KIAA1549: variants seen among roughly 807,000 people sequenced by gnomAD.
KIAA1549 encodes UPF0606 protein KIAA1549.
In KIAA1549, 70 loss-of-function variants were observed where a neutral mutation model predicts 156.4. That is an observed-to-expected ratio of 0.45 (90% confidence interval 0.37 to 0.55). The LOEUF (loss-of-function observed/expected upper bound fraction) is 0.55. Ranked by LOEUF, KIAA1549 falls within the 20% of genes least tolerant of loss-of-function variation. KIAA1549 has a pLI of 0.00. For missense variants in KIAA1549, 2,428 were observed against 2,540.9 expected, an observed-to-expected ratio of 0.96 and a Z score of 0.96; for synonymous variants, 1,103 against 1,066.4, an observed-to-expected ratio of 1.03 and a Z score of -0.67.
At chr7:138,867,564 A>T (rs77349162) in intron 15 of KIAA1549, among the ~76,000 whole-genome samples, 1,465 of 129,702 alleles carry the variant, frequency 0.011, 31 homozygotes, top group East Asian at 0.076. Context: ...CAAAAAAAAA[A>T]AATAATAAAA....
At chr7:138,903,758 C>A in intron 7 of KIAA1549, 22 bp from the exon 8 acceptor site, 2 of 1,544,868 alleles carry the variant, frequency 1.3e-6, no homozygotes, top group South Asian at 1.2e-5. Context: ...TGAAAACATA[C>A]GTGGCACCCA....
intron 16 of KIAA1549, among the ~76,000 whole-genome samples, chr7:138,856,157 G>A (rs1480607673): frequency 6.6e-5 from 10 of 150,856 alleles, no homozygotes; most frequent in South Asian, 2.1e-4. Context: ...TCAGCCTCCC[G>A]AGTAGCTGGG....
At position 138,911,177 on chromosome 7, in the gene KIAA1549, A is replaced by C; in HGVS notation, c.3114T>G (p.Leu1038=). 1 of 1,598,822 alleles carries C rather than the reference A, an allele frequency of 6.3e-7. No individual in the cohort carries two copies. Among genetic ancestry groups the C allele is most frequent in the Non-Finnish European group, 8.5e-7 (1 of 1,172,712 alleles). The change falls in exon 4 of 20, where the codon CTT becomes CTG. Residue 1038 remains leucine, a synonymous_variant. Coordinates refer to ENST00000422774, the MANE Select transcript of KIAA1549 (RefSeq NM_001164665.2). ...GAACTTGGAACCTGGACTCTGGCACAAGGAAAGAAGGTTTCACAGACAGGA... is the reference window on the plus strand; with the variant it reads ...GAACTTGGAACCTGGACTCTGGCACCAGGAAAGAAGGTTTCACAGACAGGA... ...PLILSVKPSF[L]VPESRFQVQT...
intron 11 of KIAA1549, among the ~76,000 whole-genome samples, chr7:138,880,524 A>C (rs1014960795): frequency 2.6e-5 from 4 of 152,214 alleles, no homozygotes; most frequent in Non-Finnish European, 4.4e-5. Context: ...ATAAGACAGA[A>C]GTCATGACAT....
chr7:138,875,050 T>C (rs1176702145), intron 12 of KIAA1549, among the ~76,000 whole-genome samples: 1 of 152,144 alleles, frequency 6.6e-6, no homozygotes, highest in Non-Finnish European at 1.5e-5. Flanking sequence ...TGAGCACCTG[T>C]AGGCACTGTA....
intron 7 of KIAA1549, 119 bp from the exon 8 acceptor site, chr7:138,903,855 G>A (rs1201262938): frequency 1.4e-5 from 7 of 494,184 alleles, no homozygotes; most frequent in South Asian, 5.6e-5. Context: ...GTGTGTGTGC[G>A]CGCGCGCGCG....
At position 138,973,536 on chromosome 7, in the gene KIAA1549, G is replaced by A. The variant is rs373283143; in HGVS notation, c.187+7547C>T. On this transcript the variant is annotated intron_variant, in intron 1 of 19. Coordinates refer to ENST00000422774, the MANE Select transcript of KIAA1549 (RefSeq NM_001164665.2). ...CTCTTTGTCTTCCCCTCTCCTTCAC[G>A]CTAGTTTCAGGGTTTCTGTCCTCAG... 5.3e-5 allele frequency among the ~76,000 whole-genome samples: 8 copies of A among 152,190 alleles called. No individual in the cohort carries two copies. The South Asian group carries it at 1.0e-3, about 20-fold the overall frequency.
intron 5 of KIAA1549, among the ~76,000 whole-genome samples, 164 bp from the exon 6 acceptor site, chr7:138,907,266 T>C (rs1273679609): frequency 6.6e-6 from 1 of 152,188 alleles, no homozygotes; most frequent in East Asian, 1.9e-4. Context: ...TGTAAGAGTT[T>C]AACTGCTCAG....
intron 13 of KIAA1549, among the ~76,000 whole-genome samples, 191 bp downstream of exon 13, chr7:138,870,966 C>T (rs1485107851): frequency 1.3e-5 from 2 of 152,030 alleles, no homozygotes; most frequent in African/African-American, 4.8e-5. Context: ...TACAGGAACC[C>T]GCCACCACGC....
rs971468164 is a variant in KIAA1549 at position 138,835,192 on chromosome 7, G to A, written c.*2714C>T. On this transcript the variant is annotated 3_prime_UTR_variant, in exon 20 of 20. Coordinates refer to ENST00000422774, the MANE Select transcript of KIAA1549 (RefSeq NM_001164665.2). ...TAATGTCTGAAGACCGCTAGGGTAC[G>A]GTGCTGCTCACACAGCTAGTTTTTT... is the stretch of plus-strand genomic sequence containing the variant. The A allele has an allele frequency of 1.8e-5, 4 of 216,776 alleles. No individual in the cohort carries two copies. The highest frequency in any genetic ancestry group is 5.8e-5 in the Admixed American group (1 of 17,210). The allele number at this position is 216,776 out of a possible 1,614,324, so 13.4% of individuals were successfully genotyped here. A position where few individuals can be genotyped will look rare whatever the true frequency, so the allele number is the denominator to read the frequency against.
intron 1 of KIAA1549, among the ~76,000 whole-genome samples, chr7:138,927,264 C>T (rs952700653): frequency 1.3e-5 from 2 of 152,154 alleles, no homozygotes; most frequent in East Asian, 1.9e-4. Flanking sequence ...ATTTCTGATA[C>T]GAACTTTCCT....
intron 8 of KIAA1549, among the ~76,000 whole-genome samples, chr7:138,900,617 G>A (rs566957385): frequency 1.8e-3 from 281 of 152,350 alleles, no homozygotes; most frequent in Non-Finnish European, 3.0e-3. Flanking sequence ...CCCGATGGTG[G>A]TGGGGGAGCC....
chr7:138,920,147 C>G (rs73729961), intron 1 of KIAA1549, among the ~76,000 whole-genome samples: 3,187 of 123,892 alleles, frequency 0.026, 58 homozygotes, highest in South Asian at 0.061. Flanking sequence ...TGTGCACATT[C>G]TCACCCCCGC....
At chr7:138,876,741 C>T (rs768885413) in intron 12 of KIAA1549, among the ~76,000 whole-genome samples, 3 of 152,192 alleles carry the variant, frequency 2.0e-5, no homozygotes, top group Non-Finnish European at 2.9e-5. Context: ...TCTCCCTTCA[C>T]ATCTTCACTA....
In KIAA1549 at chr7:138,832,035, T is replaced by C. The variant is rs1408976260; in HGVS notation, c.*5871A>G. The C allele has an allele frequency of 8.6e-6, 2 of 231,412 alleles. No individual in the cohort carries two copies. Among genetic ancestry groups the C allele is most frequent in the African/African-American group, 2.2e-5 (1 of 45,224 alleles). 14.3% of individuals were successfully genotyped at this position (231,412 alleles called of 1,614,324 possible). A position where few individuals can be genotyped will look rare whatever the true frequency, so the allele number is the denominator to read the frequency against. On this transcript the variant is annotated 3_prime_UTR_variant, in exon 20 of 20. Transcript: ENST00000422774. ...TTGGCCCTGTACTATTCCCAACTTG[T>C]ACACTTAGGGAGTCAAGTTATGAAT... is the stretch of plus-strand genomic sequence containing the variant.
At chr7:138,842,703 A>AC in intron 18 of KIAA1549, among the ~76,000 whole-genome samples, 1 of 151,876 alleles carries the variant, frequency 6.6e-6, no homozygotes, top group South Asian at 2.1e-4. Flanking sequence ...CAAAAAAAAA[A>AC]AAAAATCTAC....
chr7:138,935,665 G>C (rs561405976), intron 1 of KIAA1549, among the ~76,000 whole-genome samples: 1 of 152,128 alleles, frequency 6.6e-6, no homozygotes, highest in Non-Finnish European at 1.5e-5. Context: ...CCAACAGCAG[G>C]AGCCAGCAGC....
In KIAA1549 at chr7:138,832,776, C is replaced by T. The variant is rs1420757613; in HGVS notation, c.*5130G>A. On this transcript the variant is annotated 3_prime_UTR_variant, in exon 20 of 20. Coordinates refer to ENST00000422774, the MANE Select transcript of KIAA1549 (RefSeq NM_001164665.2). The stretch of plus-strand genomic sequence containing the variant: ...ACACAAGCATGGACTTAGCAATGTA[C>T]CATGATGTTGCGATTTCCAAGTCAT... 5 of 222,006 alleles carry T rather than the reference C, an allele frequency of 2.3e-5. No individual in the cohort carries two copies. The highest frequency in any genetic ancestry group is 9.0e-5 in the African/African-American group (4 of 44,654). The allele number at this position is 222,006 out of a possible 1,614,324, so 13.8% of individuals were successfully genotyped here.
At chr7:138,851,003 T>C (rs1297235417) in intron 17 of KIAA1549, among the ~76,000 whole-genome samples, 2 of 152,250 alleles carry the variant, frequency 1.3e-5, no homozygotes, top group Non-Finnish European at 2.9e-5. Context: ...TCCAGGGTTC[T>C]ATATATGTCA....
Sources: allele counts gnomAD v4.1 joint callset (sites outside exome capture counted in the v4.1 genomes callset), GRCh38; gene constraint gnomAD v4.1.1; transcripts MANE v1.5; gene names NCBI Gene and HGNC (gene_info 2026-07-23, HGNC 2026-07-21).